The following CNBD1 variants were observed in gnomAD, a reference collection of about 807,000 sequenced individuals.
CNBD1 encodes the protein cyclic nucleotide binding domain containing 1, also known as cyclic nucleotide-binding domain-containing protein 1.
Under a neutral mutation model 54.4 loss-of-function variants are expected in CNBD1, and 71 were observed. That is an observed-to-expected ratio of 1.30 (90% CI 1.08 to 1.59). CNBD1 has a LOEUF of 1.59. Ranked by LOEUF, CNBD1 falls within the 40% of genes most tolerant of loss-of-function variation. The pLI, the probability that CNBD1 is intolerant of heterozygous loss-of-function variation, is 0.00. For synonymous variants in CNBD1, 182 were observed against 170.7 expected (o/e 1.07, Z -0.51); for missense variants, 659 against 518.0 (o/e 1.27, Z -2.64).
chr8:87,427,516 A>C (rs1484152479), intron 2 of CNBD1, among the ~76,000 whole-genome samples: 1 of 152,188 alleles, frequency 6.6e-6, no homozygotes, highest in Non-Finnish European at 1.5e-5. Context: ...AAAAAATGTA[A>C]TATGGAGATT....
At chr8:87,408,906 C>T (rs772337718) in intron 2 of CNBD1, among the ~76,000 whole-genome samples, 23 of 152,014 alleles carry the variant, frequency 1.5e-4, no homozygotes, top group Non-Finnish European at 2.8e-4. Flanking sequence ...TGTTTTGACT[C>T]CCTCACCAGT....
chr8:87,070,741 G>T (rs1453730237), intron 4 of CNBD1, among the ~76,000 whole-genome samples: 1 of 151,894 alleles, frequency 6.6e-6, no homozygotes, highest in Non-Finnish European at 1.5e-5. Context: ...ACAATCAAAG[G>T]TAATTACCTT....
chr8:86,964,262 C>T (rs576515879), intron 4 of CNBD1, among the ~76,000 whole-genome samples: 26 of 151,064 alleles, frequency 1.7e-4, no homozygotes, highest in African/African-American at 6.3e-4. Flanking sequence ...CCCTTGCAAG[C>T]CATCCAATAT....
chr8:86,890,021 GT>G (rs1808744540), intron 2 of CNBD1, among the ~76,000 whole-genome samples: 1 of 151,936 alleles, frequency 6.6e-6, no homozygotes, highest in South Asian at 2.1e-4. Context: ...GATAAAATAT[GT>G]TTTTGTATAT....
intron 8 of CNBD1, among the ~76,000 whole-genome samples, chr8:87,289,168 TGTA>T (rs1318350827): frequency 6.6e-6 from 1 of 152,142 alleles, no homozygotes; most frequent in African/African-American, 2.4e-5. Context: ...ATTTTAAGAA[TGTA>T]CAGTGGATAG....
chr8:87,065,549 C>T (rs565356041), intron 4 of CNBD1, among the ~76,000 whole-genome samples: 2 of 151,938 alleles, frequency 1.3e-5, no homozygotes, highest in African/African-American at 4.8e-5. Flanking sequence ...CTTTGAGGAA[C>T]CAAACCAATT....
intron 6 of CNBD1, among the ~76,000 whole-genome samples, chr8:87,281,005 T>G (rs985236184): frequency 6.6e-6 from 1 of 151,552 alleles, no homozygotes; most frequent in African/African-American, 2.4e-5. Context: ...AGCTATAAAG[T>G]AAATAGCTTT....
At chr8:86,894,034 A>ATT (rs1372102651) in intron 2 of CNBD1, among the ~76,000 whole-genome samples, 1 of 91,622 alleles carries the variant, frequency 1.1e-5, no homozygotes, top group African/African-American at 3.7e-5. Context: ...TTAATAGATT[A>ATT]ATTTTTTTTT....
chr8:87,226,647 A>T (rs1814500799), intron 5 of CNBD1, among the ~76,000 whole-genome samples: 3 of 151,240 alleles, frequency 2.0e-5, no homozygotes, highest in Admixed American at 2.0e-4. Flanking sequence ...TTCTGAGGAG[A>T]GCTTTACTTC....
At chr8:87,041,265 C>A (rs1026966902) in intron 4 of CNBD1, among the ~76,000 whole-genome samples, 2 of 151,966 alleles carry the variant, frequency 1.3e-5, no homozygotes, top group African/African-American at 4.8e-5. Flanking sequence ...CAGAAAAGGC[C>A]TAGGAATGTG....
intron 7 of CNBD1, among the ~76,000 whole-genome samples, chr8:87,285,432 A>C (rs2130870471): frequency 6.6e-6 from 1 of 152,286 alleles, no homozygotes; most frequent in East Asian, 1.9e-4. Flanking sequence ...TATCAGAAGA[A>C]GTTTGTATAA....
chr8:87,400,541 A>G (rs996357874), intron 2 of CNBD1, among the ~76,000 whole-genome samples: 1 of 152,008 alleles, frequency 6.6e-6, no homozygotes, highest in Admixed American at 6.6e-5. Flanking sequence ...CATCAATAAA[A>G]TTTTTCAAGA....
At chr8:87,398,251 A>G (rs1251426117) in intron 2 of CNBD1, among the ~76,000 whole-genome samples, 2 of 145,440 alleles carry the variant, frequency 1.4e-5, no homozygotes, top group African/African-American at 2.6e-5. Context: ...CTAAGCATTC[A>G]TGTATAGATT....
chr8:87,327,524 C>T (rs1030485503), intron 8 of CNBD1, among the ~76,000 whole-genome samples: 12 of 152,176 alleles, frequency 7.9e-5, no homozygotes, highest in Admixed American at 2.6e-4. Flanking sequence ...TTTTTTAAGC[C>T]GGTCTGAAAA....
intron 4 of CNBD1, among the ~76,000 whole-genome samples, chr8:87,019,156 C>T (rs1250975726): frequency 1.3e-5 from 2 of 152,148 alleles, no homozygotes; most frequent in South Asian, 4.1e-4. Flanking sequence ...AAACCAAGCT[C>T]ACACACAACA....
rs930782257 is a variant in CNBD1, at chr8:87,224,014, G to T, written c.578-12905G>T. 2.0e-5 allele frequency among the ~76,000 whole-genome samples: 3 copies of T among 151,930 alleles called. No individual in the cohort carries two copies. In the South Asian group the frequency reaches 6.2e-4, roughly 32 times the overall value. ...CCAGTGACGGTGAGCATTTTTTCAT[G>T]TGTTTTTTGGCTGCATAAATGTCTT... On this transcript the variant is annotated intron_variant, in intron 5 of 10. Coordinates refer to ENST00000518476, the MANE Select transcript of CNBD1 (RefSeq NM_173538.3).
At chr8:87,159,210 C>T (rs1018236025) in intron 4 of CNBD1, among the ~76,000 whole-genome samples, 1 of 152,120 alleles carries the variant, frequency 6.6e-6, no homozygotes, top group African/African-American at 2.4e-5. Context: ...TACCTGCCAT[C>T]ATCCTTGCTA....
chr8:87,203,070 A>T (rs992255454), intron 4 of CNBD1, among the ~76,000 whole-genome samples: 2 of 152,224 alleles, frequency 1.3e-5, no homozygotes, highest in Non-Finnish European at 2.9e-5. Flanking sequence ...CACTGACTAG[A>T]CATGAGATCT....
At chr8:87,408,757 A>G (rs78810155) in intron 2 of CNBD1, among the ~76,000 whole-genome samples, 1,829 of 152,222 alleles carry the variant, frequency 0.012, 38 homozygotes, top group African/African-American at 0.039. Flanking sequence ...TAATTCTCTC[A>G]GTAGCTCAAA....
Sources: allele counts gnomAD v4.1 joint callset (sites outside exome capture counted in the v4.1 genomes callset), GRCh38; gene constraint gnomAD v4.1.1; transcripts MANE v1.5; gene names NCBI Gene and HGNC (gene_info 2026-07-23, HGNC 2026-07-21).